The following PXDN variants were observed in gnomAD, a reference collection of about 807,000 sequenced individuals.
The protein encoded by PXDN is peroxidasin homolog.
PXDN carries 77 observed loss-of-function variants against 140.3 expected under a neutral mutation model. The ratio of observed to expected loss-of-function variants is 0.55; its 90% CI spans 0.46 to 0.66. The LOEUF (loss-of-function observed/expected upper bound fraction) is 0.66, where lower values mean the gene tolerates loss of function less well. Among genes scored for constraint, PXDN ranks in the 30% least tolerant of loss-of-function variants. PXDN has a pLI of 0.00. For synonymous variants in PXDN, 911 were observed against 857.4 expected (o/e 1.06, Z -1.09); for missense variants, 1,838 against 2,039.5 (o/e 0.90, Z 1.90).
intron 12 of PXDN, among the ~76,000 whole-genome samples, chr2:1,663,156 A>G (rs1248815616): frequency 6.6e-6 from 1 of 152,192 alleles, no homozygotes; most frequent in Non-Finnish European, 1.5e-5. Context: ...CCAGGGTCCA[A>G]GGATGAGCGG....
intron 12 of PXDN, 133 bp downstream of exon 12, chr2:1,663,472 C>A (rs746432421): frequency 2.7e-5 from 33 of 1,235,502 alleles, no homozygotes; most frequent in African/African-American, 6.0e-5. Flanking sequence ...AGCACAATGA[C>A]GGTGCACAAA....
intron 14 of PXDN, among the ~76,000 whole-genome samples, chr2:1,657,984 T>C (rs1302616877): frequency 3.3e-5 from 4 of 121,354 alleles, no homozygotes; most frequent in African/African-American, 1.3e-4. Context: ...GTGATTTCCT[T>C]TCTCCTTGTC....
intron 1 of PXDN, among the ~76,000 whole-genome samples, chr2:1,731,150 G>GCACA (rs1228463738): frequency 1.5e-4 from 10 of 65,828 alleles, no homozygotes; most frequent in African/African-American, 5.8e-4. Context: ...GAGAGCGCGC[G>GCACA]CGCACACACA....
chr2:1,711,566 ACT>A (rs1479091327), intron 1 of PXDN, among the ~76,000 whole-genome samples: 6 of 90,200 alleles, frequency 6.7e-5, no homozygotes, highest in African/African-American at 1.9e-4. Flanking sequence ...ACCAGCATCC[ACT>A]CTCCACCAGC....
chr2:1,724,412 T>C (rs1428728450), intron 1 of PXDN, among the ~76,000 whole-genome samples: 2 of 151,426 alleles, frequency 1.3e-5, no homozygotes, highest in Non-Finnish European at 2.9e-5. Context: ...GTAGAGTTGG[T>C]CACATCTCAG....
chr2:1,700,420 TTTTTG>T (rs1684398147), intron 1 of PXDN, among the ~76,000 whole-genome samples: 1 of 152,126 alleles, frequency 6.6e-6, no homozygotes, highest in East Asian at 1.9e-4. Context: ...TTACCTAAGA[TTTTTG>T]ATCACATTTG....
chr2:1,726,603 T>G (rs974791929), intron 1 of PXDN, among the ~76,000 whole-genome samples: 9 of 151,942 alleles, frequency 5.9e-5, no homozygotes, highest in Admixed American at 2.0e-4. Context: ...AAAAGAAAAA[T>G]GTCTATTCAA....
At chr2:1,704,349 A>G (rs923594511) in intron 1 of PXDN, among the ~76,000 whole-genome samples, 1,455 of 23,344 alleles carry the variant, frequency 0.062, no homozygotes, top group East Asian at 0.12. Context: ...CAGGTGAAAG[A>G]GGGACAACTC....
At position 1,719,488 on chromosome 2, in the gene PXDN, C is replaced by T. The variant is rs554480669; in HGVS notation, c.200+24768G>A. Reference sequence around the variant, plus strand: ...TTGCAGGAGGCATCGAACTCCTCGCCGGTCCCCGCCGACCTGCCTGCTTGG... The same window carrying T: ...TTGCAGGAGGCATCGAACTCCTCGCTGGTCCCCGCCGACCTGCCTGCTTGG... On this transcript the variant is annotated intron_variant, in intron 1 of 22. Coordinates refer to ENST00000252804, the MANE Select transcript of PXDN (RefSeq NM_012293.3). Among the ~76,000 whole-genome samples, 6 of 152,310 alleles carry T rather than the reference C, an allele frequency of 3.9e-5. No homozygotes were observed. The South Asian group carries it at 1.0e-3, about 26-fold the overall frequency.
rs549811050 is a variant in PXDN at position 1,690,147 on chromosome 2, C to T, written c.344+1781G>A. 3.9e-4 allele frequency among the ~76,000 whole-genome samples: 59 copies of T among 152,330 alleles called. 1 individual carries two copies. Among genetic ancestry groups the T allele is most frequent in the African/African-American group, 1.4e-3 (58 of 41,582 alleles). ...TACTCCACCAATGAGAGCTGAGAAG[C>T]GGAGGCTGCAGCTGCTGGGTGAAAG... On this transcript the variant is annotated intron_variant, in intron 3 of 22. Coordinates refer to ENST00000252804, the MANE Select transcript of PXDN (RefSeq NM_012293.3).
intron 7 of PXDN, among the ~76,000 whole-genome samples, chr2:1,677,722 C>T (rs567592898): frequency 7.2e-4 from 110 of 152,320 alleles, no homozygotes; most frequent in African/African-American, 2.2e-3. Flanking sequence ...GCACAGGGAG[C>T]GGCCTTCTCT....
At chr2:1,733,797 A>C (rs1685367450) in intron 1 of PXDN, among the ~76,000 whole-genome samples, 2 of 151,834 alleles carry the variant, frequency 1.3e-5, no homozygotes, top group African/African-American at 4.8e-5. Flanking sequence ...CCAACTCAGA[A>C]TATTACTCAG....
chr2:1,730,678 G>C (rs1685292168), intron 1 of PXDN, among the ~76,000 whole-genome samples: 1 of 152,066 alleles, frequency 6.6e-6, no homozygotes, highest in Admixed American at 6.6e-5. Flanking sequence ...TGAGAATTAG[G>C]GATTCCTGCT....
rs555515490 is a variant in PXDN at position 1,655,031 on chromosome 2, A to G, written c.1838-523T>C. Among the ~76,000 whole-genome samples, 27 of 151,968 alleles carry G rather than the reference A, an allele frequency of 1.8e-4. No homozygotes were observed. The South Asian group carries it at 4.6e-3, about 26-fold the overall frequency. The stretch of plus-strand genomic sequence containing the variant: ...GGGAAACTCCCTCCTCACACACACC[A>G]CACACCACACACACACAATCACATT... On this transcript the variant is annotated intron_variant, in intron 14 of 22. Transcript: ENST00000252804.
chr2:1,637,660 C>A (rs1401349233), intron 21 of PXDN, among the ~76,000 whole-genome samples: 2 of 145,044 alleles, frequency 1.4e-5, no homozygotes, highest in Non-Finnish European at 3.0e-5. Context: ...TGCACCTGGT[C>A]TCTAGGTTGT....
At chr2:1,658,499 G>A (rs377475056) in intron 14 of PXDN, among the ~76,000 whole-genome samples, 7 of 151,236 alleles carry the variant, frequency 4.6e-5, no homozygotes, top group Non-Finnish European at 7.4e-5. Flanking sequence ...GACCAGCCCC[G>A]CAGACCCCAG....
chr2:1,647,857 C>G (rs1682887059), intron 17 of PXDN, among the ~76,000 whole-genome samples: 1 of 152,200 alleles, frequency 6.6e-6, no homozygotes, highest in Non-Finnish European at 1.5e-5. Context: ...CAGTCAACCC[C>G]TCTGCCAGAA....
At chr2:1,739,571 G>A (rs930498394) in intron 1 of PXDN, among the ~76,000 whole-genome samples, 2 of 152,150 alleles carry the variant, frequency 1.3e-5, no homozygotes, top group Non-Finnish European at 1.5e-5. Flanking sequence ...CACTCATGTA[G>A]TCACATACTA....
chr2:1,669,268 G>T (rs1572144149), intron 9 of PXDN, among the ~76,000 whole-genome samples: 1 of 152,178 alleles, frequency 6.6e-6, no homozygotes, highest in East Asian at 1.9e-4. Context: ...CATGGACACA[G>T]GGAGTGGAAC....
Sources: allele counts gnomAD v4.1 joint callset (sites outside exome capture counted in the v4.1 genomes callset), GRCh38; gene constraint gnomAD v4.1.1; transcripts MANE v1.5; gene names NCBI Gene and HGNC (gene_info 2026-07-23, HGNC 2026-07-21).